PPP3CA: variants seen among roughly 807,000 people sequenced by gnomAD.
PPP3CA encodes CAM-PRP catalytic subunit.
A neutral mutation model predicts 66.5 loss-of-function variants in PPP3CA; 14 were observed. The ratio of observed to expected loss-of-function variants is 0.21; its 90% CI spans 0.14 to 0.33. The LOEUF is 0.33. Among genes scored for constraint, PPP3CA ranks in the 10% least tolerant of loss-of-function variants. PPP3CA has a pLI of 1.00. For synonymous variants in PPP3CA, 232 were observed against 226.2 expected, an observed-to-expected ratio of 1.03 and a Z score of -0.23; for missense variants, 317 against 639.5, an observed-to-expected ratio of 0.50 and a Z score of 5.44.
intron 1 of PPP3CA, among the ~76,000 whole-genome samples, chr4:101,221,513 TAAAAAC>T (rs1217953830): frequency 6.6e-6 from 1 of 151,518 alleles, no homozygotes; most frequent in Non-Finnish European, 1.5e-5. Context: ...TGCAAGAATT[TAAAAAC>T]AACCACAATT....
intron 1 of PPP3CA, among the ~76,000 whole-genome samples, chr4:101,255,226 G>A (rs10027301): frequency 0.038 from 5,735 of 151,706 alleles, 344 homozygotes; most frequent in African/African-American, 0.13. Context: ...GAATTACTCT[G>A]CCCTAATTCA....
intron 1 of PPP3CA, among the ~76,000 whole-genome samples, chr4:101,222,745 A>G (rs1036393675): frequency 1.3e-5 from 2 of 151,740 alleles, no homozygotes; most frequent in East Asian, 3.9e-4. Flanking sequence ...ACTCTTAATC[A>G]ATAAATACAA....
intron 6 of PPP3CA, among the ~76,000 whole-genome samples, chr4:101,088,534 G>A (rs906982524): frequency 2.2e-5 from 3 of 138,378 alleles, no homozygotes; most frequent in African/African-American, 5.6e-5. Flanking sequence ...GCAGTGAGCC[G>A]AGATCGCACC....
chr4:101,249,028 C>T lies in PPP3CA; in HGVS notation c.59-52912G>A, dbSNP rs555773984. Among the ~76,000 whole-genome samples, 409 of 151,560 alleles carry T rather than the reference C, an allele frequency of 2.7e-3. 3 individuals carry two copies. The highest frequency in any genetic ancestry group is 9.1e-3 in the African/African-American group (377 of 41,346). On this transcript the variant is annotated intron_variant, in intron 1 of 13. Transcript: ENST00000394854. Reference sequence around the variant, plus strand: ...ACAAAAAATTAGCCGGGCGCGGTGGCGGGCGCCTGTAGTCCCAGCTACTCG... The same window carrying T: ...ACAAAAAATTAGCCGGGCGCGGTGGTGGGCGCCTGTAGTCCCAGCTACTCG...
intron 2 of PPP3CA, among the ~76,000 whole-genome samples, chr4:101,128,356 T>C (rs941716430): frequency 5.3e-5 from 8 of 152,174 alleles, no homozygotes; most frequent in African/African-American, 1.7e-4. Context: ...TCATACATTA[T>C]ATGTATTGAA....
chr4:101,154,804 C>A (rs181016394), intron 2 of PPP3CA, among the ~76,000 whole-genome samples: 1 of 139,134 alleles, frequency 7.2e-6, no homozygotes, highest in African/African-American at 2.8e-5. Context: ...CATTCACTCC[C>A]AGAATTTTTT....
At chr4:101,274,604 C>T (rs1727433080) in intron 1 of PPP3CA, among the ~76,000 whole-genome samples, 1 of 152,156 alleles carries the variant, frequency 6.6e-6, no homozygotes, top group Non-Finnish European at 1.5e-5. Flanking sequence ...TTCACAAATA[C>T]TCCCTTTCTT....
chr4:101,292,051 C>T (rs557131734), intron 1 of PPP3CA, among the ~76,000 whole-genome samples: 4 of 150,350 alleles, frequency 2.7e-5, no homozygotes, highest in South Asian at 4.2e-4. Context: ...CACCTGAGCC[C>T]GGGGAGTTCG....
chr4:101,046,117 A>G (rs1441466475), intron 10 of PPP3CA, among the ~76,000 whole-genome samples: 1 of 152,176 alleles, frequency 6.6e-6, no homozygotes, highest in Non-Finnish European at 1.5e-5. Context: ...AAGACTTCTC[A>G]CTGGAGTTAC....
chr4:101,118,226 G>A (rs1721908317), intron 2 of PPP3CA, among the ~76,000 whole-genome samples: 3 of 152,152 alleles, frequency 2.0e-5, no homozygotes, highest in South Asian at 2.1e-4. Flanking sequence ...TGGAGAGGCA[G>A]TATAGTGCAA....
At chr4:101,097,149 C>T (rs768156892) in intron 5 of PPP3CA, among the ~76,000 whole-genome samples, 5 of 152,100 alleles carry the variant, frequency 3.3e-5, no homozygotes, top group African/African-American at 7.2e-5. Context: ...ACCTATCATA[C>T]ATTAGGCTTA....
intron 1 of PPP3CA, among the ~76,000 whole-genome samples, chr4:101,344,060 T>A (rs992973801): frequency 6.6e-6 from 1 of 152,158 alleles, no homozygotes; most frequent in Non-Finnish European, 1.5e-5. Flanking sequence ...AGAAAACTTA[T>A]GGAGCACAAA....
chr4:101,324,155 A>AG (rs1729132552), intron 1 of PPP3CA, among the ~76,000 whole-genome samples: 3 of 13,968 alleles, frequency 2.1e-4, no homozygotes, highest in African/African-American at 5.6e-4. Flanking sequence ...GAAGGGAGGG[A>AG]GGAAGGAAGG....
chr4:101,219,939 C>T (rs1348916526), intron 1 of PPP3CA, among the ~76,000 whole-genome samples: 1 of 151,716 alleles, frequency 6.6e-6, no homozygotes, highest in African/African-American at 2.4e-5. Flanking sequence ...ATAAATGTTA[C>T]TGAACGTCCA....
intron 1 of PPP3CA, among the ~76,000 whole-genome samples, chr4:101,337,426 A>G (rs1256117023): frequency 2.6e-5 from 4 of 152,194 alleles, no homozygotes; most frequent in Non-Finnish European, 5.9e-5. Flanking sequence ...TGTTTTGTAA[A>G]ACATACTCCA....
intron 1 of PPP3CA, among the ~76,000 whole-genome samples, chr4:101,339,375 G>A (rs1729736580): frequency 1.3e-5 from 2 of 152,098 alleles, no homozygotes; most frequent in Non-Finnish European, 2.9e-5. Context: ...CAGCCTAAAG[G>A]GGAATACAAT....
intron 1 of PPP3CA, among the ~76,000 whole-genome samples, chr4:101,251,283 T>C (rs974565864): frequency 5.9e-5 from 9 of 152,144 alleles, no homozygotes; most frequent in African/African-American, 2.2e-4. Flanking sequence ...TACGTATTTC[T>C]ATGTTTTCCC....
Position 101,103,542 on chromosome 4 carries a change from T to C in PPP3CA, c.385-3820A>G, listed in dbSNP as rs559692054. On this transcript the variant is annotated intron_variant, in intron 3 of 13. Transcript: ENST00000394854. Reference sequence around the variant, plus strand: ...GCATTACTCTGTCACCTAACATCTCTTGTTGTGCCACTTGCTTGTTATTCT... The same window carrying C: ...GCATTACTCTGTCACCTAACATCTCCTGTTGTGCCACTTGCTTGTTATTCT... Among the ~76,000 whole-genome samples the C allele has an allele frequency of 3.3e-5, 5 of 152,304 alleles. No individual in the cohort carries two copies. In the South Asian group the frequency reaches 6.2e-4, roughly 19 times the overall value.
intron 2 of PPP3CA, among the ~76,000 whole-genome samples, chr4:101,142,011 T>C (rs1456857552): frequency 6.8e-6 from 1 of 146,934 alleles, no homozygotes; most frequent in African/African-American, 2.5e-5. Context: ...GGCACTCCAA[T>C]CGTCAAGCAT....
Sources: allele counts gnomAD v4.1 joint callset (sites outside exome capture counted in the v4.1 genomes callset), GRCh38; gene constraint gnomAD v4.1.1; transcripts MANE v1.5; gene names NCBI Gene and HGNC (gene_info 2026-07-23, HGNC 2026-07-21).